Variants in CSMD1 observed in about 807,000 individuals in gnomAD.
CSMD1 encodes CUB and Sushi multiple domains 1.
Under a neutral mutation model 417.5 loss-of-function variants are expected in CSMD1, and 213 were observed. The observed-to-expected ratio is 0.51, with a 90% CI of 0.46 to 0.57. CSMD1 has a LOEUF of 0.57. Ranked by LOEUF, CSMD1 falls within the 20% of genes least tolerant of loss-of-function variation. The pLI is 0.00. For missense variants in CSMD1, 6,923 were observed against 4,529.7 expected (o/e 1.53, Z -15.17); for synonymous variants, 2,862 against 1,736.8 (o/e 1.65, Z -16.11).
At chr8:4,867,143 A>G (rs1286013660) in intron 1 of CSMD1, among the ~76,000 whole-genome samples, 2 of 152,088 alleles carry the variant, frequency 1.3e-5, no homozygotes, top group African/African-American at 4.8e-5. Context: ...CATATTATTT[A>G]TATTTACAAT....
At chr8:4,740,333 A>G (rs1346651056) in intron 1 of CSMD1, among the ~76,000 whole-genome samples, 4 of 152,178 alleles carry the variant, frequency 2.6e-5, no homozygotes, top group African/African-American at 9.7e-5. Flanking sequence ...GATATAGCTA[A>G]CAGAAAAAGC....
At chr8:3,373,763 T>G (rs923287537) in intron 18 of CSMD1, 1 of 152,170 alleles carries the variant, frequency 6.6e-6, no homozygotes, top group Non-Finnish European at 1.5e-5. Context: ...ACTGTTGCTG[T>G]CCTTAATGCT....
chr8:3,761,452 T>C (rs2129056068), intron 5 of CSMD1, among the ~76,000 whole-genome samples: 1 of 151,176 alleles, frequency 6.6e-6, no homozygotes, highest in Middle Eastern at 3.5e-3. Flanking sequence ...TATTTAAAAC[T>C]GTACCACAGA....
intron 25 of CSMD1, 54 bp downstream of exon 25, chr8:3,307,623 CACTATCTCTGCTACAAGA>C: frequency 6.8e-7 from 1 of 1,473,630 alleles, no homozygotes; most frequent in Admixed American, 1.8e-5. Flanking sequence ...TTTGGTGTAC[CACTATCTCTGCTACAAGA>C]ATAGAAGGCA....
At chr8:3,434,051 G>C (rs914017783) in intron 12 of CSMD1, among the ~76,000 whole-genome samples, 2 of 152,132 alleles carry the variant, frequency 1.3e-5, no homozygotes, top group Non-Finnish European at 2.9e-5. Context: ...ATCATTCCTG[G>C]CATTCTTTGA....
chr8:4,220,221 G>A (rs1402213021), intron 3 of CSMD1, among the ~76,000 whole-genome samples: 29 of 152,214 alleles, frequency 1.9e-4, no homozygotes, highest in Non-Finnish European at 3.5e-4. Context: ...AGAGTGCCGG[G>A]ATTAGAGGCG....
At chr8:3,512,739 G>C (rs905958228) in intron 10 of CSMD1, among the ~76,000 whole-genome samples, 1 of 151,636 alleles carries the variant, frequency 6.6e-6, no homozygotes, top group Admixed American at 6.6e-5. Flanking sequence ...TTCCCAAGTA[G>C]CTGGGACTAT....
chr8:3,218,779 G>A lies in CSMD1; in HGVS notation c.4672+476C>T, dbSNP rs145307337. 3.1e-4 allele frequency among the ~76,000 whole-genome samples: 47 copies of A among 152,102 alleles called. No homozygotes were observed. The East Asian group carries it at 8.7e-3, about 28-fold the overall frequency. On this transcript the variant is annotated intron_variant, in intron 29 of 69. Transcript: ENST00000635120. ...TCCAGCTACTCGGGGGGCTGAGACA[G>A]GAGAATCATTTGAACCCGGGAGGCG...
intron 1 of CSMD1, among the ~76,000 whole-genome samples, chr8:4,658,891 C>A (rs1255160403): frequency 6.6e-6 from 1 of 152,150 alleles, no homozygotes; most frequent in East Asian, 1.9e-4. Context: ...AGGAGCACAA[C>A]TTTTCTATGT....
At chr8:3,523,325 T>C (rs1265000117) in intron 10 of CSMD1, among the ~76,000 whole-genome samples, 2 of 152,230 alleles carry the variant, frequency 1.3e-5, no homozygotes, top group Non-Finnish European at 2.9e-5. Context: ...TAAATTATTT[T>C]GTTCTATTGT....
intron 46 of CSMD1, among the ~76,000 whole-genome samples, chr8:3,105,366 C>G (rs1032224339): frequency 6.6e-6 from 1 of 152,178 alleles, no homozygotes; most frequent in Non-Finnish European, 1.5e-5. Context: ...TGCTCAAAAG[C>G]ACTACATCTG....
chr8:3,524,793 C>G (rs1489824214), intron 10 of CSMD1, among the ~76,000 whole-genome samples: 1 of 151,450 alleles, frequency 6.6e-6, no homozygotes, highest in Non-Finnish European at 1.5e-5. Flanking sequence ...GAGACATGCA[C>G]ACAGAAGTAC....
chr8:3,977,859 A>G lies in CSMD1; in HGVS notation c.818+20044T>C, dbSNP rs914000729. Among the ~76,000 whole-genome samples the G allele has an allele frequency of 1.3e-5, 2 of 152,228 alleles. 1 individual carries two copies. The highest frequency in any genetic ancestry group is 2.9e-5 in the Non-Finnish European group (2 of 68,042). Reference sequence around the variant, plus strand: ...AAGTCACAAGAAATAACTAAGGAAAATAGGCTGAGAATAAATTTAATAAAC... The same window carrying G: ...AAGTCACAAGAAATAACTAAGGAAAGTAGGCTGAGAATAAATTTAATAAAC... On this transcript the variant is annotated intron_variant, in intron 5 of 69. Transcript: ENST00000635120.
intron 3 of CSMD1, among the ~76,000 whole-genome samples, chr8:4,201,158 A>G (rs566682017): frequency 1.2e-4 from 18 of 152,180 alleles, no homozygotes; most frequent in African/African-American, 1.7e-4. Flanking sequence ...TAAAATGACT[A>G]CTGTAAGGAT....
intron 37 of CSMD1, among the ~76,000 whole-genome samples, chr8:3,170,082 G>A (rs1820481644): frequency 6.6e-6 from 1 of 152,266 alleles, no homozygotes; most frequent in African/African-American, 2.4e-5. Flanking sequence ...ACTCTCCTTT[G>A]CGGCGCTGCT....
chr8:3,876,018 G>A (rs1464779407), intron 5 of CSMD1, among the ~76,000 whole-genome samples: 1 of 152,116 alleles, frequency 6.6e-6, no homozygotes, highest in Non-Finnish European at 1.5e-5. Context: ...TCTATTTCCA[G>A]TTTTTATACC....
At chr8:4,405,325 T>C (rs200204191) in intron 3 of CSMD1, among the ~76,000 whole-genome samples, 4 of 142,588 alleles carry the variant, frequency 2.8e-5, no homozygotes, top group African/African-American at 1.2e-4. Flanking sequence ...TTTTTTCTCA[T>C]TTTTTTTTTC....
chr8:3,437,571 G>A (rs1814649409), intron 12 of CSMD1, among the ~76,000 whole-genome samples: 1 of 152,086 alleles, frequency 6.6e-6, no homozygotes, highest in Admixed American at 6.6e-5. Flanking sequence ...TGGACTGCAG[G>A]AGCCCATCCT....
intron 2 of CSMD1, among the ~76,000 whole-genome samples, chr8:4,611,186 G>A (rs988314859): frequency 6.6e-6 from 1 of 151,974 alleles, no homozygotes; most frequent in Admixed American, 6.5e-5. Flanking sequence ...GATACATCTG[G>A]GCGAGTGTAT....
Sources: allele counts gnomAD v4.1 joint callset (sites outside exome capture counted in the v4.1 genomes callset), GRCh38; gene constraint gnomAD v4.1.1; transcripts MANE v1.5; gene names NCBI Gene and HGNC (gene_info 2026-07-23, HGNC 2026-07-21).